Variants in FIG4 observed in about 807,000 individuals in gnomAD.
FIG4 encodes the protein polyphosphoinositide phosphatase.
In FIG4, 112 loss-of-function variants were observed where a neutral mutation model predicts 118.6. That is an observed-to-expected ratio of 0.94 (90% CI 0.81 to 1.11). FIG4 has a LOEUF of 1.11. Among genes scored for constraint, FIG4 ranks in the 50% least tolerant of loss-of-function variants. The pLI is 0.00. For synonymous variants in FIG4, 369 were observed against 381.2 expected, an observed-to-expected ratio of 0.97 and a Z score of 0.37; for missense variants, 969 against 1,111.7, an observed-to-expected ratio of 0.87 and a Z score of 1.83.
At chr6:109,812,929 C>G (rs996813740) in intron 22 of FIG4, among the ~76,000 whole-genome samples, 3 of 152,036 alleles carry the variant, frequency 2.0e-5, no homozygotes, top group African/African-American at 7.2e-5. Flanking sequence ...GAGAGATCCT[C>G]GAAAAGGCAC....
At chr6:109,807,460 T>C (rs1242689962) in intron 22 of FIG4, among the ~76,000 whole-genome samples, 3 of 152,210 alleles carry the variant, frequency 2.0e-5, no homozygotes, top group Non-Finnish European at 4.4e-5. Context: ...ACAGGTTTGT[T>C]TGTTTCTTGT....
intron 10 of FIG4, among the ~76,000 whole-genome samples, chr6:109,752,173 A>AT (rs1469011682): frequency 6.6e-6 from 1 of 151,758 alleles, no homozygotes; most frequent in Non-Finnish European, 1.5e-5. Flanking sequence ...TGAATTCATC[A>AT]TTTTTTATGG....
intron 1 of FIG4, among the ~76,000 whole-genome samples, chr6:109,699,841 G>T (rs150157870): frequency 6.6e-6 from 1 of 152,052 alleles, no homozygotes; most frequent in South Asian, 2.1e-4. Context: ...GTCTTATTCC[G>T]TTCAGGCTGC....
chr6:109,750,973 CTGATT>C (rs1776677132), intron 10 of FIG4, among the ~76,000 whole-genome samples: 1 of 152,174 alleles, frequency 6.6e-6, no homozygotes, highest in Non-Finnish European at 1.5e-5. Context: ...TCATCCTAAA[CTGATT>C]TAACACTGTT....
chr6:109,714,418 T>C (rs1298119111), intron 1 of FIG4, among the ~76,000 whole-genome samples: 3 of 152,158 alleles, frequency 2.0e-5, no homozygotes, highest in African/African-American at 4.8e-5. Flanking sequence ...CCTGGCTGCC[T>C]CTAGTCAGCC....
chr6:109,771,623 C>T (rs1395686829), intron 15 of FIG4, among the ~76,000 whole-genome samples: 2 of 151,998 alleles, frequency 1.3e-5, no homozygotes, highest in Admixed American at 1.3e-4. Context: ...TGCCTGCCAC[C>T]GCGCCCGGCT....
At chr6:109,767,190 A>G (rs1339782163) in intron 15 of FIG4, among the ~76,000 whole-genome samples, 2 of 152,178 alleles carry the variant, frequency 1.3e-5, no homozygotes, top group Non-Finnish European at 2.9e-5. Context: ...CTTGCAGTAT[A>G]TAGATAAAAT....
chr6:109,765,635 T>G (rs1418635462), intron 14 of FIG4, among the ~76,000 whole-genome samples: 1 of 152,232 alleles, frequency 6.6e-6, no homozygotes, highest in Admixed American at 6.5e-5. Flanking sequence ...CCAAAGTACT[T>G]AGACAAACTA....
chr6:109,724,718 T>G (rs1055030442), intron 3 of FIG4, among the ~76,000 whole-genome samples: 9 of 152,150 alleles, frequency 5.9e-5, no homozygotes, highest in Admixed American at 5.9e-4. Context: ...CATTCTTATG[T>G]ACAACTTTTA....
intron 3 of FIG4, 42 bp from the exon 4 acceptor site, chr6:109,727,067 T>G: frequency 6.7e-7 from 1 of 1,495,818 alleles, no homozygotes; most frequent in Non-Finnish European, 9.3e-7. Context: ...AAGCCATTAC[T>G]AAGTTTATAA....
intron 1 of FIG4, among the ~76,000 whole-genome samples, chr6:109,699,584 C>T (rs1365084026): frequency 6.6e-6 from 1 of 150,690 alleles, no homozygotes; most frequent in Non-Finnish European, 1.5e-5. Context: ...CTCACTGCAG[C>T]CTCTGCCTCC....
At chr6:109,763,019 C>T (rs1370812451) in intron 12 of FIG4, among the ~76,000 whole-genome samples, 7 of 152,216 alleles carry the variant, frequency 4.6e-5, no homozygotes, top group Non-Finnish European at 1.0e-4. Flanking sequence ...GCATAGAACA[C>T]ACTTAATTCC....
intron 3 of FIG4, among the ~76,000 whole-genome samples, chr6:109,721,673 A>G (rs961579873): frequency 6.6e-6 from 1 of 152,174 alleles, no homozygotes; most frequent in Non-Finnish European, 1.5e-5. Flanking sequence ...GGTGTTCATC[A>G]TGTTAGAAGG....
intron 1 of FIG4, among the ~76,000 whole-genome samples, chr6:109,692,611 A>G (rs1428908688): frequency 6.6e-6 from 1 of 152,232 alleles, no homozygotes; most frequent in Admixed American, 6.5e-5. Flanking sequence ...AATGAGACCC[A>G]TAAAGAAGTA....
intron 10 of FIG4, among the ~76,000 whole-genome samples, chr6:109,755,822 A>G (rs925339313): frequency 6.6e-6 from 1 of 152,108 alleles, no homozygotes; most frequent in African/African-American, 2.4e-5. Flanking sequence ...TTTTGAGCCT[A>G]TGTGTGTCTC....
chr6:109,693,234 G>T (rs933265560), intron 1 of FIG4, among the ~76,000 whole-genome samples: 11 of 152,122 alleles, frequency 7.2e-5, no homozygotes, highest in Non-Finnish European at 1.5e-4. Context: ...ATTTATTGAG[G>T]ATCAACCATG....
chr6:109,794,440 C>T (rs1778221802), intron 21 of FIG4, among the ~76,000 whole-genome samples: 1 of 152,132 alleles, frequency 6.6e-6, no homozygotes, highest in Admixed American at 6.5e-5. Context: ...CCTGTGAGTA[C>T]CCCTTCCTGT....
chr6:109,824,659 A>G (rs2128402586), intron 22 of FIG4, among the ~76,000 whole-genome samples: 1 of 152,350 alleles, frequency 6.6e-6, no homozygotes, highest in Non-Finnish European at 1.5e-5. Flanking sequence ...TATGTGAGGT[A>G]GGCATTCTTA....
intron 16 of FIG4, among the ~76,000 whole-genome samples, chr6:109,780,053 T>C (rs1016501794): frequency 6.6e-6 from 1 of 152,212 alleles, no homozygotes; most frequent in Non-Finnish European, 1.5e-5. Context: ...CTCCAGTTAA[T>C]ACCTGGGTGA....
Sources: gnomAD v4.1 joint callset for allele counts (sites outside exome capture counted in the v4.1 genomes callset) on GRCh38, gnomAD v4.1.1 for gene constraint, MANE v1.5 for transcripts, NCBI Gene and HGNC (gene_info 2026-07-23, HGNC 2026-07-21) for gene names.